Variants in KCNMA1 observed in about 807,000 individuals in gnomAD.
KCNMA1 encodes the protein Calcium-activated potassium channel subunit alpha-1.
A neutral mutation model predicts 140.0 loss-of-function variants in KCNMA1; 29 were observed. The observed-to-expected ratio is 0.21, with a 90% CI of 0.15 to 0.28. The LOEUF is 0.28. KCNMA1 is among the 10% of genes least tolerant of loss of function. The probability of loss-of-function intolerance (pLI) is 1.00; values close to 1 mark genes in which losing one functional copy is unlikely to be tolerated. For missense variants in KCNMA1, 880 were observed against 1,602.2 expected (o/e 0.55, Z 7.70); for synonymous variants, 612 against 611.9 (o/e 1.00, Z 0.00).
intron 17 of KCNMA1, among the ~76,000 whole-genome samples, chr10:77,016,877 T>C (rs1565561038): frequency 6.6e-6 from 1 of 152,066 alleles, no homozygotes; most frequent in Non-Finnish European, 1.5e-5. Context: ...CAGTGGAGGG[T>C]GCAAACTCGA....
chr10:77,457,347 T>C (rs1255766923), intron 1 of KCNMA1, among the ~76,000 whole-genome samples: 1 of 152,162 alleles, frequency 6.6e-6, no homozygotes, highest in Non-Finnish European at 1.5e-5. Context: ...TCCCTCCTTC[T>C]GCATTTGGTG....
In KCNMA1 at chr10:77,137,406, G is replaced by T. The variant is rs946657632; in HGVS notation, c.809-16358C>A. 2.0e-5 allele frequency among the ~76,000 whole-genome samples: 3 copies of T among 152,288 alleles called. No individual in the cohort carries two copies. The East Asian group carries it at 5.8e-4, about 29-fold the overall frequency. ...AAGAGCAATTATTTTTGTGGTGTCT[G>T]ACAAGGTCATTGTTATCTGGCCTTG... is the stretch of plus-strand genomic sequence containing the variant. On this transcript the variant is annotated intron_variant, in intron 5 of 27. Transcript: ENST00000286628.
At chr10:77,065,829 C>T (rs562024948) in intron 14 of KCNMA1, among the ~76,000 whole-genome samples, 1 of 152,138 alleles carries the variant, frequency 6.6e-6, no homozygotes, top group South Asian at 2.1e-4. Context: ...AGTTCTAATG[C>T]CTTAGAGGAA....
chr10:76,887,739 G>T (rs2037818776), intron 27 of KCNMA1: 1 of 573,826 alleles, frequency 1.7e-6, no homozygotes, highest in Admixed American at 3.0e-5. Flanking sequence ...GCAGAGATGT[G>T]GAATTAGAGC....
At chr10:76,924,498 A>T (rs1164209613) in intron 23 of KCNMA1, among the ~76,000 whole-genome samples, 3 of 152,138 alleles carry the variant, frequency 2.0e-5, no homozygotes, top group Admixed American at 6.6e-5. Flanking sequence ...AATGAAAAAA[A>T]TTTTTTAAAT....
chr10:77,163,799 G>A (rs758129483), intron 5 of KCNMA1, among the ~76,000 whole-genome samples: 1 of 152,060 alleles, frequency 6.6e-6, no homozygotes, highest in Non-Finnish European at 1.5e-5. Context: ...TCCTTTTTCT[G>A]CCCTGAGACA....
intron 14 of KCNMA1, among the ~76,000 whole-genome samples, chr10:77,051,682 C>T (rs1402890297): frequency 6.6e-6 from 1 of 152,152 alleles, no homozygotes. Context: ...TCACTGAGTA[C>T]AGCAGGGAAG....
intron 24 of KCNMA1, chr10:76,914,181 G>T (rs1387226500): frequency 1.5e-6 from 2 of 1,367,142 alleles, no homozygotes; most frequent in African/African-American, 1.4e-5. Context: ...GGGAGTGGAG[G>T]AAAGTACAGA....
chr10:77,188,892 G>A (rs935740396), intron 3 of KCNMA1, among the ~76,000 whole-genome samples: 22 of 152,028 alleles, frequency 1.4e-4, no homozygotes, highest in Admixed American at 2.6e-4. Context: ...TGTTCCTCTG[G>A]GCATCTTCCT....
chr10:77,305,079 G>A (rs921235502), intron 2 of KCNMA1, among the ~76,000 whole-genome samples: 6 of 152,320 alleles, frequency 3.9e-5, no homozygotes, highest in Non-Finnish European at 7.3e-5. Context: ...GGGGATGGTG[G>A]TCGATGGACC....
chr10:77,214,848 A>G (rs1477384222), intron 3 of KCNMA1, among the ~76,000 whole-genome samples: 1 of 151,360 alleles, frequency 6.6e-6, no homozygotes, highest in South Asian at 2.1e-4. Flanking sequence ...TGCTTTACTC[A>G]CCCTCTAAAT....
intron 19 of KCNMA1, among the ~76,000 whole-genome samples, chr10:76,994,450 C>T (rs1173065551): frequency 6.6e-6 from 1 of 152,196 alleles, no homozygotes; most frequent in Non-Finnish European, 1.5e-5. Context: ...CTAGTCGTAA[C>T]ATGAATCCAA....
chr10:77,283,325 T>C (rs2069389610), intron 2 of KCNMA1, among the ~76,000 whole-genome samples: 1 of 152,178 alleles, frequency 6.6e-6, no homozygotes. Context: ...ACCACCTCAC[T>C]CTGGCTCGAG....
intron 1 of KCNMA1, among the ~76,000 whole-genome samples, chr10:77,574,026 G>C (rs1031428204): frequency 6.6e-6 from 1 of 151,928 alleles, no homozygotes; most frequent in Non-Finnish European, 1.5e-5. Context: ...AGTAGAGACA[G>C]GGTTTCACCA....
At chr10:77,567,969 A>G (rs1368556803) in intron 1 of KCNMA1, among the ~76,000 whole-genome samples, 1 of 152,206 alleles carries the variant, frequency 6.6e-6, no homozygotes, top group East Asian at 1.9e-4. Context: ...TACGCAAATA[A>G]ACTAGAAAAT....
chr10:76,955,004 G>A (rs1305812856), intron 20 of KCNMA1, among the ~76,000 whole-genome samples: 1 of 152,110 alleles, frequency 6.6e-6, no homozygotes, highest in Non-Finnish European at 1.5e-5. Context: ...GTTCCTTCCT[G>A]CAAAACTGGC....
At chr10:77,090,818 G>A in intron 9 of KCNMA1, 1 of 447,624 alleles carries the variant, frequency 2.2e-6, no homozygotes, top group South Asian at 2.4e-5. Flanking sequence ...TTATGCTTGT[G>A]CTTAAATGCT....
In KCNMA1 at chr10:76,891,506, C is replaced by T; in HGVS notation, c.3342+19G>A. On this transcript the variant is annotated intron_variant, in intron 26 of 27. Coordinates refer to ENST00000286628, the MANE Select transcript of KCNMA1 (RefSeq NM_001161352.2). ...TTCCCAAACAGCAAGCTCAGGTGAC[C>T]TCGGTGCTGTGGACTCACCCCTAAG... The T allele has an allele frequency of 6.2e-7, 1 of 1,605,570 alleles. No individual in the cohort carries two copies. Among genetic ancestry groups the T allele is most frequent in the Admixed American group, 1.7e-5 (1 of 59,918 alleles).
intron 1 of KCNMA1, among the ~76,000 whole-genome samples, chr10:77,460,686 G>T (rs1270381237): frequency 6.6e-6 from 1 of 152,140 alleles, no homozygotes; most frequent in Non-Finnish European, 1.5e-5. Flanking sequence ...GAAAGTGATG[G>T]GTACACTAAA....
Sources: gnomAD v4.1 joint callset for allele counts (sites outside exome capture counted in the v4.1 genomes callset) on GRCh38, gnomAD v4.1.1 for gene constraint, MANE v1.5 for transcripts, NCBI Gene and HGNC (gene_info 2026-07-23, HGNC 2026-07-21) for gene names.